ZMAT4: variants seen among roughly 807,000 people sequenced by gnomAD.
ZMAT4 encodes zinc finger matrin-type 4, also known as zinc finger matrin-type protein 4.
ZMAT4 carries 17 observed loss-of-function variants against 28.7 expected under a neutral mutation model. That is an observed-to-expected ratio of 0.59 (90% CI 0.41 to 0.89). The LOEUF (loss-of-function observed/expected upper bound fraction) is 0.89. Among genes scored for constraint, ZMAT4 ranks in the 40% least tolerant of loss-of-function variants. The probability of loss-of-function intolerance (pLI) is 0.00; values close to 1 mark genes in which losing one functional copy is unlikely to be tolerated. For synonymous variants in ZMAT4, 117 were observed against 109.2 expected, an observed-to-expected ratio of 1.07 and a Z score of -0.44; for missense variants, 240 against 283.8, an observed-to-expected ratio of 0.85 and a Z score of 1.11.
Position 40,799,225 on chromosome 8 carries a change from G to GGATGGATA in ZMAT4, c.102+26349_102+26350insTATCCATC, listed in dbSNP as rs377302493. On this transcript the variant is annotated intron_variant, in intron 2 of 6. Transcript: ENST00000297737. ...TAGATGGGTGGATGGATGGATGGAT[G>GGATGGATA]GATAGATAGATGGATGGATGGAGAC... 5.7e-3 allele frequency among the ~76,000 whole-genome samples: 865 copies of GGATGGATA among 150,728 alleles called. 7 individuals are homozygous for GGATGGATA. The highest frequency in any genetic ancestry group is 0.016 in the African/African-American group (674 of 40,890).
chr8:40,872,871 G>T (rs1038259751), intron 1 of ZMAT4, among the ~76,000 whole-genome samples: 8 of 152,224 alleles, frequency 5.3e-5, no homozygotes, highest in Admixed American at 5.2e-4. Context: ...TAAAGGGAAA[G>T]AAGTGCTATT....
chr8:40,579,838 C>T (rs1174880368), intron 6 of ZMAT4, among the ~76,000 whole-genome samples: 1 of 152,030 alleles, frequency 6.6e-6, no homozygotes, highest in Non-Finnish European at 1.5e-5. Context: ...ACCATAACCT[C>T]ATCCTTATGC....
At chr8:40,698,360 A>G (rs1809987676) in intron 3 of ZMAT4, among the ~76,000 whole-genome samples, 1 of 152,192 alleles carries the variant, frequency 6.6e-6, no homozygotes, top group Admixed American at 6.6e-5. Context: ...TCAATTACCT[A>G]TACTTATGAA....
chr8:40,564,570 A>G (rs76378628), intron 6 of ZMAT4, among the ~76,000 whole-genome samples: 4,543 of 152,336 alleles, frequency 0.03, 101 homozygotes, highest in Middle Eastern at 0.12. Flanking sequence ...ACAGTTACCT[A>G]GCAGGTGTGT....
intron 1 of ZMAT4, among the ~76,000 whole-genome samples, chr8:40,864,421 C>T (rs1020613684): frequency 1.3e-5 from 2 of 152,164 alleles, no homozygotes; most frequent in African/African-American, 4.8e-5. Context: ...GGGTGTCACG[C>T]AAGATGGTCT....
chr8:40,601,551 GAA>G (rs1805335946), intron 5 of ZMAT4, among the ~76,000 whole-genome samples: 2 of 136,116 alleles, frequency 1.5e-5, no homozygotes, highest in Admixed American at 7.9e-5. Context: ...GGGGGAGTGA[GAA>G]AGAAAGAAAG....
chr8:40,707,540 T>C (rs1810414884), intron 3 of ZMAT4, among the ~76,000 whole-genome samples: 1 of 152,126 alleles, frequency 6.6e-6, no homozygotes. Flanking sequence ...GGAAACACAC[T>C]TTGTAATCCA....
intron 5 of ZMAT4, among the ~76,000 whole-genome samples, chr8:40,602,835 G>A (rs937039023): frequency 1.6e-4 from 24 of 152,220 alleles, no homozygotes; most frequent in African/African-American, 5.3e-4. Context: ...CATAGTGTGC[G>A]AAGATTTTCT....
intron 4 of ZMAT4, among the ~76,000 whole-genome samples, chr8:40,681,826 T>A (rs1809178115): frequency 6.6e-6 from 1 of 152,000 alleles, no homozygotes; most frequent in Non-Finnish European, 1.5e-5. Context: ...ATACTCTTAA[T>A]AGATGATAGA....
intron 1 of ZMAT4, among the ~76,000 whole-genome samples, chr8:40,876,196 C>T (rs1818036117): frequency 6.6e-6 from 1 of 152,312 alleles, no homozygotes; most frequent in Admixed American, 6.5e-5. Context: ...CCTCCTGAGA[C>T]AGCAAGACCA....
intron 4 of ZMAT4, chr8:40,690,821 A>G: frequency 1.2e-6 from 1 of 851,528 alleles, no homozygotes. Flanking sequence ...TCAACAGGAA[A>G]TAAGGAAAAA....
At chr8:40,571,494 A>C (rs1414100873) in intron 6 of ZMAT4, among the ~76,000 whole-genome samples, 1 of 152,126 alleles carries the variant, frequency 6.6e-6, no homozygotes, top group East Asian at 1.9e-4. Flanking sequence ...GTGGATTTCA[A>C]TGTTCTACCA....
intron 5 of ZMAT4, among the ~76,000 whole-genome samples, chr8:40,597,165 G>A (rs1020953698): frequency 2.6e-5 from 4 of 152,216 alleles, no homozygotes; most frequent in African/African-American, 9.6e-5. Flanking sequence ...AGGGCAAGAT[G>A]ACTATAGAAG....
chr8:40,864,582 T>C (rs1441883044), intron 1 of ZMAT4, among the ~76,000 whole-genome samples: 1 of 152,196 alleles, frequency 6.6e-6, no homozygotes, highest in Non-Finnish European at 1.5e-5. Flanking sequence ...ACCCCAGTTG[T>C]GGCAGTGATG....
chr8:40,829,883 TGAG>T (rs1816215508), intron 1 of ZMAT4, among the ~76,000 whole-genome samples: 1 of 151,934 alleles, frequency 6.6e-6, no homozygotes, highest in South Asian at 2.1e-4. Context: ...CCACTAAGCA[TGAG>T]AAGATAATAG....
chr8:40,881,922 C>T (rs1005202548), intron 1 of ZMAT4, among the ~76,000 whole-genome samples: 3 of 152,162 alleles, frequency 2.0e-5, no homozygotes, highest in Non-Finnish European at 2.9e-5. Context: ...CACCACCTCC[C>T]CCATGTAGCG....
intron 1 of ZMAT4, among the ~76,000 whole-genome samples, chr8:40,829,808 T>C (rs1206207192): frequency 6.6e-6 from 1 of 151,814 alleles, no homozygotes; most frequent in African/African-American, 2.4e-5. Flanking sequence ...AGGATTAGAG[T>C]GGAGAGAAAT....
intron 1 of ZMAT4, among the ~76,000 whole-genome samples, chr8:40,829,957 C>T (rs1286830151): frequency 6.6e-6 from 1 of 151,958 alleles, no homozygotes; most frequent in Non-Finnish European, 1.5e-5. Flanking sequence ...CAGAAAAATG[C>T]AAGGAAGAGA....
intron 1 of ZMAT4, among the ~76,000 whole-genome samples, chr8:40,890,683 C>T (rs964637635): frequency 6.6e-6 from 1 of 152,172 alleles, no homozygotes; most frequent in Non-Finnish European, 1.5e-5. Context: ...CAGTTTTCTG[C>T]TCCTTCATGT....
Sources: allele counts gnomAD v4.1 joint callset (sites outside exome capture counted in the v4.1 genomes callset), GRCh38; gene constraint gnomAD v4.1.1; transcripts MANE v1.5; gene names NCBI Gene and HGNC (gene_info 2026-07-23, HGNC 2026-07-21).